Variants in SRGAP1 observed in about 807,000 individuals in gnomAD.
The protein encoded by SRGAP1 is SLIT-ROBO Rho GTPase activating protein 1.
A neutral mutation model predicts 121.9 loss-of-function variants in SRGAP1; 43 were observed. The observed-to-expected ratio is 0.35, with a 90% CI of 0.28 to 0.46. The LOEUF (loss-of-function observed/expected upper bound fraction) is 0.46. SRGAP1 is among the 20% of genes least tolerant of loss of function. The pLI is 1.00. For synonymous variants in SRGAP1, 447 were observed against 485.4 expected, an observed-to-expected ratio of 0.92 and a Z score of 1.04; for missense variants, 1,102 against 1,350.9, an observed-to-expected ratio of 0.82 and a Z score of 2.89.
chr12:64,077,906 A>C (rs1183104731), intron 8 of SRGAP1, among the ~76,000 whole-genome samples: 1 of 152,204 alleles, frequency 6.6e-6, no homozygotes, highest in African/African-American at 2.4e-5. Context: ...CAAATCATTA[A>C]GAAAAAGACT....
At chr12:63,976,326 A>G (rs1366271289) in intron 1 of SRGAP1, among the ~76,000 whole-genome samples, 1 of 152,130 alleles carries the variant, frequency 6.6e-6, no homozygotes, top group Admixed American at 6.5e-5. Context: ...TACTTGTTAT[A>G]ACTCTCCTTC....
At chr12:64,040,015 C>T (rs2034983108) in intron 4 of SRGAP1, among the ~76,000 whole-genome samples, 1 of 152,084 alleles carries the variant, frequency 6.6e-6, no homozygotes, top group African/African-American at 2.4e-5. Context: ...CTCTGTAATG[C>T]CTTTAACATG....
At chr12:63,885,408 C>T (rs1411462259) in intron 1 of SRGAP1, among the ~76,000 whole-genome samples, 1 of 152,148 alleles carries the variant, frequency 6.6e-6, no homozygotes, top group Non-Finnish European at 1.5e-5. Flanking sequence ...CTGGGCACCA[C>T]GCTCCAGGAA....
intron 12 of SRGAP1, 63 bp from the exon 13 acceptor site, chr12:64,094,869 T>G: frequency 6.9e-7 from 1 of 1,457,624 alleles, no homozygotes; most frequent in Non-Finnish European, 9.6e-7. Flanking sequence ...ACTCTAAGCC[T>G]TATTATTATG....
intron 5 of SRGAP1, 107 bp from the exon 6 acceptor site, chr12:64,043,340 T>C (rs1491002056): frequency 9.0e-7 from 1 of 1,106,856 alleles, no homozygotes; most frequent in Non-Finnish European, 1.3e-6. Context: ...GTCATTTGTA[T>C]ATGTGGAATA....
chr12:64,020,947 C>CAAAAA (rs11379937), intron 4 of SRGAP1, among the ~76,000 whole-genome samples: 1 of 131,332 alleles, frequency 7.6e-6, no homozygotes. Flanking sequence ...TTCTGTCTCA[C>CAAAAA]AAAAAAAAAA....
At chr12:64,123,422 T>A (rs1212900029) in intron 18 of SRGAP1, among the ~76,000 whole-genome samples, 2 of 152,300 alleles carry the variant, frequency 1.3e-5, no homozygotes, top group East Asian at 3.9e-4. Flanking sequence ...CTGGGGTACA[T>A]ATTTGGGTAT....
intron 1 of SRGAP1, chr12:63,887,264 G>C (rs1362219988): frequency 6.6e-6 from 1 of 152,274 alleles, no homozygotes; most frequent in African/African-American, 2.4e-5. Flanking sequence ...GGTTGTCCAG[G>C]GAAAATCTAG....
At chr12:63,947,541 A>T (rs10878097) in intron 1 of SRGAP1, among the ~76,000 whole-genome samples, 49,352 of 152,080 alleles carry the variant, frequency 0.32, 8,521 homozygotes, top group East Asian at 0.55. Flanking sequence ...AGAACTATCC[A>T]TTGAAGACTT....
At chr12:63,927,432 G>T (rs368117617) in intron 1 of SRGAP1, among the ~76,000 whole-genome samples, 1 of 152,210 alleles carries the variant, frequency 6.6e-6, no homozygotes, top group Non-Finnish European at 1.5e-5. Flanking sequence ...AGGCCAGCCA[G>T]TCAGCAGATG....
intron 1 of SRGAP1, among the ~76,000 whole-genome samples, chr12:63,977,425 A>C (rs1158260669): frequency 6.6e-6 from 1 of 152,260 alleles, no homozygotes; most frequent in Non-Finnish European, 1.5e-5. Context: ...CATGAGTATC[A>C]CACCAGCGTA....
chr12:64,128,948 T>C (rs981986291), intron 21 of SRGAP1, among the ~76,000 whole-genome samples: 1 of 152,120 alleles, frequency 6.6e-6, no homozygotes, highest in Admixed American at 6.5e-5. Context: ...TTCTGGCTCT[T>C]TTCACAGCAC....
At chr12:63,933,316 G>A (rs2031546688) in intron 1 of SRGAP1, among the ~76,000 whole-genome samples, 1 of 152,080 alleles carries the variant, frequency 6.6e-6, no homozygotes, top group Admixed American at 6.6e-5. Flanking sequence ...TTTGGAAGAG[G>A]GGTTCATTCT....
At chr12:64,038,404 A>G (rs937200057) in intron 4 of SRGAP1, among the ~76,000 whole-genome samples, 1 of 152,178 alleles carries the variant, frequency 6.6e-6, no homozygotes, top group East Asian at 1.9e-4. Context: ...GAGGCATTAA[A>G]TAATTTCCCG....
chr12:64,006,906 T>G (rs1208046860), intron 3 of SRGAP1, among the ~76,000 whole-genome samples: 1 of 152,204 alleles, frequency 6.6e-6, no homozygotes, highest in East Asian at 1.9e-4. Context: ...CAGATTTTCT[T>G]AAGGCTTCTA....
intron 1 of SRGAP1, among the ~76,000 whole-genome samples, chr12:63,851,896 G>A (rs192821962): frequency 2.0e-5 from 3 of 152,064 alleles, no homozygotes; most frequent in East Asian, 1.9e-4. Flanking sequence ...ATTGCAGTGA[G>A]GAAAACATTT....
chr12:63,863,838 C>A (rs1899535950), intron 1 of SRGAP1, among the ~76,000 whole-genome samples: 1 of 152,172 alleles, frequency 6.6e-6, no homozygotes. Context: ...GACTCCAGTG[C>A]AGCCACATGG....
intron 8 of SRGAP1, among the ~76,000 whole-genome samples, chr12:64,075,311 G>A (rs939585866): frequency 4.6e-5 from 7 of 152,238 alleles, no homozygotes; most frequent in Non-Finnish European, 5.9e-5. Context: ...GGCACAGATC[G>A]CTCATGCTAT....
At chr12:64,099,894 A>G (rs2036227109) in intron 15 of SRGAP1, among the ~76,000 whole-genome samples, 1 of 152,216 alleles carries the variant, frequency 6.6e-6, no homozygotes, top group East Asian at 1.9e-4. Flanking sequence ...TGGATGAAAA[A>G]TATCATTTCA....
Sources: allele counts gnomAD v4.1 joint callset (sites outside exome capture counted in the v4.1 genomes callset), GRCh38; gene constraint gnomAD v4.1.1; transcripts MANE v1.5; gene names NCBI Gene and HGNC (gene_info 2026-07-23, HGNC 2026-07-21).